The following SSPN variants were observed in gnomAD, a reference collection of about 807,000 sequenced individuals.
SSPN encodes K-ras oncogene-associated protein.
A neutral mutation model predicts 19.1 loss-of-function variants in SSPN; 15 were observed. The observed-to-expected ratio is 0.78, with a 90% CI of 0.52 to 1.21. SSPN has a LOEUF of 1.21. Ranked by LOEUF, SSPN falls within the 50% of genes most tolerant of loss-of-function variation. The pLI, the probability that SSPN is intolerant of heterozygous loss-of-function variation, is 0.00. For synonymous variants in SSPN, 147 were observed against 140.3 expected (o/e 1.05, Z -0.34); for missense variants, 291 against 314.0 (o/e 0.93, Z 0.55).
chr12:26,232,268 T>C lies in SSPN; in HGVS notation c.*1192T>C. On this transcript the variant is annotated 3_prime_UTR_variant, in exon 3 of 3. Transcript: ENST00000242729. The stretch of plus-strand genomic sequence containing the variant: ...CAAAATAATGTTTTGAAGTTCTTAT[T>C]TGAGCAATATGGCCTTGACTTGGAG... 2 of 985,464 alleles carry C rather than the reference T, an allele frequency of 2.0e-6. No homozygotes were observed. Among genetic ancestry groups the C allele is most frequent in the African/African-American group, 3.5e-5 (2 of 57,372 alleles). 61.0% of individuals were successfully genotyped at this position (985,464 alleles called of 1,614,324 possible).
At chr12:26,173,943 C>T (rs1944668004) in intron 1 of SSPN, among the ~76,000 whole-genome samples, 1 of 152,094 alleles carries the variant, frequency 6.6e-6, no homozygotes, top group Non-Finnish European at 1.5e-5. Flanking sequence ...AATTCATTTG[C>T]AGCCATCTCC....
At chr12:26,166,115 C>A (rs1297553135) in intron 1 of SSPN, among the ~76,000 whole-genome samples, 1 of 152,012 alleles carries the variant, frequency 6.6e-6, no homozygotes, top group Non-Finnish European at 1.5e-5. Context: ...CACACCAGGG[C>A]CTGTCAGGGA....
intron 1 of SSPN, among the ~76,000 whole-genome samples, chr12:26,186,212 A>C (rs533195384): frequency 1.9e-3 from 296 of 151,814 alleles, no homozygotes; most frequent in African/African-American, 6.9e-3. Flanking sequence ...GTTAAAAAAA[A>C]AACAACAACC....
intron 1 of SSPN, among the ~76,000 whole-genome samples, chr12:26,189,655 C>G (rs1257664039): frequency 2.0e-5 from 3 of 152,170 alleles, no homozygotes; most frequent in Admixed American, 2.0e-4. Flanking sequence ...AGCTTTTTCT[C>G]TTTCCTTCCC....
chr12:26,147,078 A>T (rs962829837), intron 1 of SSPN, among the ~76,000 whole-genome samples: 1 of 152,084 alleles, frequency 6.6e-6, no homozygotes, highest in Middle Eastern at 3.2e-3. Context: ...TTTTCCAAGG[A>T]TGCTCTTCAA....
intron 1 of SSPN, among the ~76,000 whole-genome samples, chr12:26,166,390 G>A (rs538760654): frequency 1.3e-5 from 2 of 152,236 alleles, no homozygotes; most frequent in Admixed American, 6.5e-5. Context: ...GCCTGAACTC[G>A]GAAATGTAGC....
chr12:26,142,244 T>C (rs1224109167), intron 1 of SSPN, among the ~76,000 whole-genome samples: 1 of 152,120 alleles, frequency 6.6e-6, no homozygotes, highest in Non-Finnish European at 1.5e-5. Flanking sequence ...TCGTAGAAAA[T>C]GTATTCTGAT....
chr12:26,233,449 AT>A lies in SSPN; in HGVS notation c.*2374del, dbSNP rs1360306947. 1 of 152,058 alleles carries A rather than the reference AT, an allele frequency of 6.6e-6. No individual in the cohort carries two copies. Among genetic ancestry groups the A allele is most frequent in the Non-Finnish European group, 1.5e-5 (1 of 68,018 alleles). The allele number at this position is 152,058 out of a possible 1,614,324, so 9.4% of individuals were successfully genotyped here. ...ATTCTTAAGTCCCCAAGGAAAAAAA[AT>A]CATAAACAAATAGAAAGAACTAAAC... On this transcript the variant is annotated 3_prime_UTR_variant, in exon 3 of 3. Coordinates refer to ENST00000242729, the MANE Select transcript of SSPN (RefSeq NM_005086.5). The surrounding 1 kb of genome is among the most constrained non-coding windows in gnomAD (Gnocchi z 4.3).
intron 1 of SSPN, among the ~76,000 whole-genome samples, chr12:26,127,132 G>A (rs1187572504): frequency 6.6e-6 from 1 of 152,194 alleles, no homozygotes; most frequent in Non-Finnish European, 1.5e-5. Flanking sequence ...GAGTAGAAAG[G>A]GGATGTAAAT....
At chr12:26,128,902 C>T (rs73289346) in intron 1 of SSPN, among the ~76,000 whole-genome samples, 1 of 152,316 alleles carries the variant, frequency 6.6e-6, no homozygotes, top group African/African-American at 2.4e-5. Context: ...ATTCTCCCCC[C>T]TGCCTAAATA....
chr12:26,229,337 G>C (rs1328073554), intron 2 of SSPN, among the ~76,000 whole-genome samples: 1 of 152,236 alleles, frequency 6.6e-6, no homozygotes, highest in East Asian at 1.9e-4. Context: ...GCAAACCAGA[G>C]ATAAGCTTAG....
At chr12:26,189,884 A>T (rs1944777137) in intron 1 of SSPN, among the ~76,000 whole-genome samples, 1 of 152,112 alleles carries the variant, frequency 6.6e-6, no homozygotes, top group African/African-American at 2.4e-5. Context: ...GCACTTTTGG[A>T]ACTTTTATAT....
chr12:26,223,563 C>A (rs1036584943), intron 1 of SSPN, among the ~76,000 whole-genome samples: 3 of 152,198 alleles, frequency 2.0e-5, no homozygotes, highest in Non-Finnish European at 4.4e-5. Context: ...TCAGCACATT[C>A]TTTGTGCAGC....
intron 2 of SSPN, among the ~76,000 whole-genome samples, chr12:26,226,953 A>G (rs1945182799): frequency 6.6e-6 from 1 of 151,924 alleles, no homozygotes; most frequent in Admixed American, 6.6e-5. Flanking sequence ...GCGAGCGGAG[A>G]CGCGCCCGGG....
chr12:26,123,740 G>C lies in SSPN; in HGVS notation c.-31+1588G>C. 3.1e-6 allele frequency: 5 copies of C among 1,606,468 alleles called. No individual in the cohort carries two copies. The South Asian group carries it at 4.4e-5, about 14-fold the overall frequency. On this transcript the variant is annotated intron_variant, in intron 1 of 2. Coordinates refer to the SSPN transcript ENST00000538142. ...TACAGCTTTCTCCAGATGTCCCAGA[G>C]TCTGCAGTGGTGCAAAAAAGAAACG... is the stretch of plus-strand genomic sequence containing the variant.
At chr12:26,147,839 G>A (rs1944501988) in intron 1 of SSPN, among the ~76,000 whole-genome samples, 1 of 152,120 alleles carries the variant, frequency 6.6e-6, no homozygotes, top group African/African-American at 2.4e-5. Context: ...TAGTTTGGGG[G>A]CAACAGCAAG....
chr12:26,155,734 G>A (rs77653586), intron 1 of SSPN, among the ~76,000 whole-genome samples: 2,607 of 152,272 alleles, frequency 0.017, 79 homozygotes, highest in African/African-American at 0.06. Context: ...AAAAAATAGA[G>A]CTAACATTAA....
At position 26,234,085 on chromosome 12, in the gene SSPN, T is replaced by C. The variant is rs947073454; in HGVS notation, c.*3009T>C. The C allele has an allele frequency of 6.6e-6, 1 of 152,244 alleles. No individual in the cohort carries two copies. Among genetic ancestry groups the C allele is most frequent in the Non-Finnish European group, 1.5e-5 (1 of 68,042 alleles). The allele number at this position is 152,244 out of a possible 1,614,324, so 9.4% of individuals were successfully genotyped here. A position where few individuals can be genotyped will look rare whatever the true frequency, so the allele number is the denominator to read the frequency against. On this transcript the variant is annotated 3_prime_UTR_variant, in exon 3 of 3. Coordinates refer to ENST00000242729, the MANE Select transcript of SSPN (RefSeq NM_005086.5). ...TGAGGGGTTTCCAGCTTTACACTTC[T>C]ATAGGTTGTTCTGACAGTGAGAACA...
intron 1 of SSPN, among the ~76,000 whole-genome samples, chr12:26,138,873 C>T (rs1944443627): frequency 6.6e-6 from 1 of 151,998 alleles, no homozygotes; most frequent in South Asian, 2.1e-4. Context: ...ACTCAAATGA[C>T]ATAACTTATC....
Sources: allele counts gnomAD v4.1 joint callset (sites outside exome capture counted in the v4.1 genomes callset), GRCh38; gene constraint gnomAD v4.1.1; non-coding constraint Gnocchi (gnomAD v3.1); transcripts MANE v1.5; gene names NCBI Gene and HGNC (gene_info 2026-07-23, HGNC 2026-07-21).